The following AKT3 variants were observed in gnomAD, a reference collection of about 807,000 sequenced individuals.
AKT3 encodes RAC-gamma serine/threonine-protein kinase.
Under a neutral mutation model 65.3 loss-of-function variants are expected in AKT3, and 15 were observed. The ratio of observed to expected loss-of-function variants is 0.23; its 90% confidence interval spans 0.15 to 0.35. AKT3 has a LOEUF of 0.35. AKT3 is among the 10% of genes least tolerant of loss of function. The pLI is 1.00. For missense variants in AKT3, 243 were observed against 576.5 expected, an observed-to-expected ratio of 0.42 and a Z score of 5.92; for synonymous variants, 206 against 183.8, an observed-to-expected ratio of 1.12 and a Z score of -0.98.
rs1678598486 is a variant in AKT3, at chr1:243,619,741, A to G, written c.562-4580T>C. ...ATATATCGCATTTATCCTTTCATTCATTGATGGGCACTTAGGTTGATTACA... is the reference window on the plus strand; with the variant it reads ...ATATATCGCATTTATCCTTTCATTCGTTGATGGGCACTTAGGTTGATTACA... On this transcript the variant is annotated intron_variant, in intron 6 of 13. Transcript: ENST00000673466. 2.0e-5 allele frequency among the ~76,000 whole-genome samples: 2 copies of G among 98,962 alleles called. 1 individual carries two copies. The highest frequency in any genetic ancestry group is 5.6e-5 in the Non-Finnish European group (2 of 35,416). The allele number at this position is 98,962 out of a possible 152,430, so 64.9% of individuals were successfully genotyped here. A position where few individuals can be genotyped will look rare whatever the true frequency, so the allele number is the denominator to read the frequency against.
intron 8 of AKT3, among the ~76,000 whole-genome samples, chr1:243,582,507 C>T (rs1675452336): frequency 1.4e-5 from 2 of 146,602 alleles, no homozygotes; most frequent in Admixed American, 1.4e-4. Flanking sequence ...CCTGCCAAAC[C>T]AAGCTTCATA....
At chr1:243,832,473 T>C (rs944832769) in intron 2 of AKT3, among the ~76,000 whole-genome samples, 7 of 152,178 alleles carry the variant, frequency 4.6e-5, no homozygotes, top group African/African-American at 1.4e-4. Context: ...AGTAGTAGTA[T>C]AGTAACTTGT....
chr1:243,566,212 A>G (rs770762496), intron 9 of AKT3, among the ~76,000 whole-genome samples: 2 of 152,180 alleles, frequency 1.3e-5, no homozygotes, highest in Non-Finnish European at 2.9e-5. Context: ...ACGTGTGTGT[A>G]AAATTCTGAC....
At chr1:243,574,610 C>T (rs545811333) in intron 8 of AKT3, among the ~76,000 whole-genome samples, 44 of 152,146 alleles carry the variant, frequency 2.9e-4, no homozygotes, top group Non-Finnish European at 5.0e-4. Flanking sequence ...TGTGAAAAAT[C>T]AAGTCATTTA....
intron 2 of AKT3, among the ~76,000 whole-genome samples, chr1:243,810,252 A>C (rs1693041638): frequency 6.6e-6 from 1 of 152,152 alleles, no homozygotes; most frequent in South Asian, 2.1e-4. Flanking sequence ...TTTTTTGAAA[A>C]GATCAACAAA....
At position 243,505,107 on chromosome 1, in the gene AKT3, G is replaced by A. The variant is rs1002951735; in HGVS notation, c.*142C>T. On this transcript the variant is annotated 3_prime_UTR_variant, in exon 14 of 14. Transcript: ENST00000673466. ...ATGTGTGTTTTCATGAGGGTGAAAG[G>A]TGGCGAGGGGTGAGGACCCTTGGCT... The A allele has an allele frequency of 1.5e-6, 1 of 654,338 alleles. No individual in the cohort carries two copies. The highest frequency in any genetic ancestry group is 2.8e-5 in the Admixed American group (1 of 35,148). 40.5% of individuals were successfully genotyped at this position (654,338 alleles called of 1,614,324 possible). A position where few individuals can be genotyped will look rare whatever the true frequency, so the allele number is the denominator to read the frequency against.
intron 2 of AKT3, among the ~76,000 whole-genome samples, chr1:243,834,363 G>C (rs1275421537): frequency 1.3e-5 from 2 of 152,208 alleles, no homozygotes; most frequent in African/African-American, 4.8e-5. Context: ...CAGCAACATG[G>C]ATGGAGCTGG....
At chr1:243,640,464 T>C (rs1680292554) in intron 5 of AKT3, among the ~76,000 whole-genome samples, 1 of 152,230 alleles carries the variant, frequency 6.6e-6, no homozygotes, top group South Asian at 2.1e-4. Flanking sequence ...ACTGATACTA[T>C]GCCAGTAACA....
intron 2 of AKT3, among the ~76,000 whole-genome samples, chr1:243,699,992 T>A (rs1459074172): frequency 6.6e-6 from 1 of 152,140 alleles, no homozygotes. Context: ...GCCTTCTCAG[T>A]GAGTGTGAAC....
intron 9 of AKT3, among the ~76,000 whole-genome samples, chr1:243,571,899 C>T (rs952719955): frequency 6.6e-6 from 1 of 152,096 alleles, no homozygotes; most frequent in African/African-American, 2.4e-5. Flanking sequence ...TCAGTTCTTC[C>T]TACATACAAC....
chr1:243,632,531 G>A (rs1052321319), intron 6 of AKT3, among the ~76,000 whole-genome samples: 2 of 152,062 alleles, frequency 1.3e-5, no homozygotes, highest in East Asian at 3.9e-4. Flanking sequence ...AATTCTTAAG[G>A]GCCCTAGGAT....
At chr1:243,689,256 T>C (rs572413094) in intron 3 of AKT3, among the ~76,000 whole-genome samples, 1 of 152,282 alleles carries the variant, frequency 6.6e-6, no homozygotes, top group East Asian at 1.9e-4. Flanking sequence ...TGAATTATTA[T>C]GATCTCTCAT....
intron 3 of AKT3, among the ~76,000 whole-genome samples, chr1:243,677,689 T>C (rs974466899): frequency 6.6e-6 from 1 of 152,080 alleles, no homozygotes; most frequent in Non-Finnish European, 1.5e-5. Flanking sequence ...TTTTTCCCCC[T>C]TGGAGAAAAA....
At chr1:243,596,414 G>A (rs910868070) in intron 8 of AKT3, among the ~76,000 whole-genome samples, 1 of 152,128 alleles carries the variant, frequency 6.6e-6, no homozygotes, top group African/African-American at 2.4e-5. Context: ...ATGAACAACC[G>A]AATAATAGGT....
intron 10 of AKT3, among the ~76,000 whole-genome samples, chr1:243,560,295 A>G (rs759605470): frequency 6.6e-6 from 1 of 152,170 alleles, no homozygotes; most frequent in Non-Finnish European, 1.5e-5. Flanking sequence ...TTGTATTCCC[A>G]GTACCTAATG....
At chr1:243,528,292 C>T (rs1287538434) in intron 12 of AKT3, among the ~76,000 whole-genome samples, 1 of 152,186 alleles carries the variant, frequency 6.6e-6, no homozygotes, top group East Asian at 1.9e-4. Flanking sequence ...CCTTTAGCTA[C>T]TGCTCCTTTC....
chr1:243,590,143 C>T (rs759680652), intron 8 of AKT3, among the ~76,000 whole-genome samples: 11 of 152,008 alleles, frequency 7.2e-5, no homozygotes, highest in African/African-American at 1.7e-4. Context: ...CTTCCAGTTA[C>T]GGGTAAGTTC....
intron 9 of AKT3, among the ~76,000 whole-genome samples, chr1:243,572,227 C>A (rs568520393): frequency 3.3e-5 from 5 of 152,266 alleles, no homozygotes; most frequent in South Asian, 2.1e-4. Flanking sequence ...TTGAGCCCAT[C>A]GCCTATTTTG....
intron 2 of AKT3, among the ~76,000 whole-genome samples, chr1:243,778,449 TA>T (rs1439278372): frequency 2.0e-5 from 3 of 152,074 alleles, no homozygotes; most frequent in Non-Finnish European, 4.4e-5. Flanking sequence ...CATACACAAA[TA>T]TAAAACAGTA....
Sources: allele counts gnomAD v4.1 joint callset (sites outside exome capture counted in the v4.1 genomes callset), GRCh38; gene constraint gnomAD v4.1.1; transcripts MANE v1.5; gene names NCBI Gene and HGNC (gene_info 2026-07-23, HGNC 2026-07-21).